GPHN: variants seen among roughly 807,000 people sequenced by gnomAD.
GPHN encodes gephyrin.
GPHN carries 17 observed loss-of-function variants against 95.5 expected under a neutral mutation model. The observed-to-expected ratio is 0.18, with a 90% CI of 0.12 to 0.27. The LOEUF (loss-of-function observed/expected upper bound fraction) is 0.27, where lower values mean the gene tolerates loss of function less well. Among genes scored for constraint, GPHN ranks in the 10% least tolerant of loss-of-function variants. GPHN has a pLI of 1.00. For synonymous variants in GPHN, 320 were observed against 322.5 expected, an observed-to-expected ratio of 0.99 and a Z score of 0.08; for missense variants, 660 against 978.1, an observed-to-expected ratio of 0.67 and a Z score of 4.34.
At chr14:67,301,438 C>T in the GPHN span, 1 of 1,610,442 alleles carries the variant, frequency 6.2e-7, no homozygotes. Context: ...CAAGAACTAA[C>T]TGCTTTGCTG....
chr14:67,646,587 T>G, the GPHN span: 4 of 1,398,828 alleles, frequency 2.9e-6, no homozygotes, highest in Non-Finnish European at 4.0e-6. Flanking sequence ...CACATGATAA[T>G]GATCTTGGTG....
At chr14:67,577,886 A>T in the GPHN span, 2 of 700,632 alleles carry the variant, frequency 2.9e-6, no homozygotes, top group Non-Finnish European at 4.8e-6. Context: ...GCCCTCCAAC[A>T]GTAGCAGTGC....
chr14:67,204,617 G>A, the GPHN span: 14 of 1,613,720 alleles, frequency 8.7e-6, no homozygotes, highest in South Asian at 1.1e-5. Flanking sequence ...GTGAGTGGTC[G>A]AGCCTACTAC....
chr14:66,908,743 T>C (rs1168547928), intron 5 of GPHN, among the ~76,000 whole-genome samples: 1 of 151,922 alleles, frequency 6.6e-6, no homozygotes, highest in East Asian at 1.9e-4. Context: ...TGATATGATG[T>C]AATAAAAATG....
intron 12 of GPHN, among the ~76,000 whole-genome samples, chr14:67,095,267 G>A (rs192431884): frequency 6.6e-6 from 1 of 152,202 alleles, no homozygotes; most frequent in African/African-American, 2.4e-5. Context: ...TCCTCAAAAA[G>A]GGTAATCCAT....
chr14:66,699,061 CTGAGCTA>C (rs2068317973), intron 2 of GPHN, among the ~76,000 whole-genome samples: 1 of 152,144 alleles, frequency 6.6e-6, no homozygotes, highest in Admixed American at 6.5e-5. Flanking sequence ...GAAAAGAGTA[CTGAGCTA>C]TGATTTAAAC....
chr14:66,510,205 A>C (rs1465983082), intron 1 of GPHN, among the ~76,000 whole-genome samples: 2 of 152,206 alleles, frequency 1.3e-5, no homozygotes, highest in African/African-American at 2.4e-5. Context: ...TGGGATGTCA[A>C]AGTGTATATC....
chr14:66,636,244 T>C (rs2064089283), intron 1 of GPHN, among the ~76,000 whole-genome samples: 1 of 152,132 alleles, frequency 6.6e-6, no homozygotes, highest in Non-Finnish European at 1.5e-5. Flanking sequence ...GATTCCTTTA[T>C]TTTAGCTGCC....
chr14:66,936,657 A>G (rs1038551312), intron 8 of GPHN, among the ~76,000 whole-genome samples: 3 of 152,250 alleles, frequency 2.0e-5, no homozygotes, highest in African/African-American at 7.2e-5. Context: ...TTAGAAGTAT[A>G]AAATAAATAT....
At chr14:66,782,799 C>T (rs1006299731) in intron 3 of GPHN, among the ~76,000 whole-genome samples, 1 of 152,116 alleles carries the variant, frequency 6.6e-6, no homozygotes, top group African/African-American at 2.4e-5. Context: ...TGCCACTGCA[C>T]TCCACCCTGG....
intron 9 of GPHN, among the ~76,000 whole-genome samples, chr14:67,019,614 C>A (rs76984729): frequency 6.6e-6 from 1 of 152,082 alleles, no homozygotes; most frequent in African/African-American, 2.4e-5. Flanking sequence ...ATTCTTAACA[C>A]GGGTTTTATT....
chr14:67,086,954 C>T (rs1326341330), intron 11 of GPHN, among the ~76,000 whole-genome samples: 2 of 146,530 alleles, frequency 1.4e-5, no homozygotes, highest in East Asian at 4.4e-4. Context: ...AGGAGAATGG[C>T]GTGAACCCAG....
the GPHN span, among the ~76,000 whole-genome samples, chr14:67,325,902 G>A: frequency 6.6e-6 from 1 of 151,056 alleles, no homozygotes; most frequent in African/African-American, 2.4e-5. Context: ...TCCGCCTCCT[G>A]GGTTCGAGCT....
At chr14:67,231,055 G>A in the GPHN span, among the ~76,000 whole-genome samples, 9 of 152,180 alleles carry the variant, frequency 5.9e-5, no homozygotes, top group East Asian at 1.9e-4. Flanking sequence ...ACAGGGTTCC[G>A]TACCATCCAA....
At chr14:66,577,103 G>A (rs2060938378) in intron 1 of GPHN, among the ~76,000 whole-genome samples, 2 of 152,112 alleles carry the variant, frequency 1.3e-5, no homozygotes, top group Non-Finnish European at 2.9e-5. Context: ...GTTGACTGAC[G>A]ATTCTGATTT....
At chr14:67,186,996 A>G in the GPHN span, among the ~76,000 whole-genome samples, 1 of 152,162 alleles carries the variant, frequency 6.6e-6, no homozygotes, top group South Asian at 2.1e-4. Context: ...CAGACAGGAA[A>G]CGGCTTAAAG....
At chr14:67,699,589 CAAAAAA>C in the GPHN span, among the ~76,000 whole-genome samples, 2 of 50,804 alleles carry the variant, frequency 3.9e-5, no homozygotes, top group African/African-American at 8.0e-5. Flanking sequence ...GACCCTATCT[CAAAAAA>C]AAAAAAAAAA....
intron 2 of GPHN, among the ~76,000 whole-genome samples, chr14:66,729,830 A>C (rs1343869121): frequency 1.3e-5 from 2 of 152,252 alleles, no homozygotes; most frequent in Non-Finnish European, 2.9e-5. Context: ...ATGGGTTGTC[A>C]GAAAGAAGAG....
At chr14:66,949,207 C>T (rs1369100283) in intron 8 of GPHN, among the ~76,000 whole-genome samples, 1 of 152,154 alleles carries the variant, frequency 6.6e-6, no homozygotes, top group Non-Finnish European at 1.5e-5. Context: ...GCCTCAGCCT[C>T]CCAAGTAGTT....
Sources: gnomAD v4.1 joint callset for allele counts (sites outside exome capture counted in the v4.1 genomes callset) on GRCh38, gnomAD v4.1.1 for gene constraint, MANE v1.5 for transcripts, NCBI Gene and HGNC (gene_info 2026-07-23, HGNC 2026-07-21) for gene names.